SNX29: variants seen among roughly 807,000 people sequenced by gnomAD.
The protein encoded by SNX29 is sorting nexin-29.
In SNX29, 78 loss-of-function variants were observed where a neutral mutation model predicts 102.1. That is an observed-to-expected ratio of 0.76 (90% CI 0.64 to 0.92). The LOEUF (loss-of-function observed/expected upper bound fraction) is 0.92, where lower values mean the gene tolerates loss of function less well. SNX29 is among the 40% of genes least tolerant of loss of function. The pLI is 0.00. For missense variants in SNX29, 1,280 were observed against 1,061.7 expected, an observed-to-expected ratio of 1.21 and a Z score of -2.86; for synonymous variants, 580 against 414.5, an observed-to-expected ratio of 1.40 and a Z score of -4.85.
chr16:12,088,112 G>C (rs2052305337), intron 11 of SNX29: 1 of 456,694 alleles, frequency 2.2e-6, no homozygotes, highest in African/African-American at 2.0e-5. Flanking sequence ...TGCCGTGGGT[G>C]TCTGAGGCTG....
chr16:12,298,543 T>G (rs1348346514), intron 15 of SNX29, among the ~76,000 whole-genome samples: 1 of 152,234 alleles, frequency 6.6e-6, no homozygotes, highest in Non-Finnish European at 1.5e-5. Flanking sequence ...TACCTCCTAG[T>G]GTTACTGTGA....
intron 15 of SNX29, among the ~76,000 whole-genome samples, chr16:12,314,644 C>T (rs2080672809): frequency 3.3e-5 from 5 of 152,236 alleles, no homozygotes; most frequent in African/African-American, 9.6e-5. Flanking sequence ...GTTTCTTCAG[C>T]ATCTTCTTTC....
intron 15 of SNX29, among the ~76,000 whole-genome samples, chr16:12,354,398 G>A (rs964165262): frequency 7.9e-5 from 12 of 152,130 alleles, no homozygotes; most frequent in Non-Finnish European, 1.8e-4. Context: ...CTGCTCTTCT[G>A]GCTGTGGAAG....
intron 16 of SNX29, among the ~76,000 whole-genome samples, chr16:12,363,429 G>T (rs1332242672): frequency 2.0e-5 from 3 of 152,168 alleles, no homozygotes; most frequent in Admixed American, 1.3e-4. Context: ...GGGTGTTCGA[G>T]TGACTCAGGG....
intron 19 of SNX29, among the ~76,000 whole-genome samples, chr16:12,499,796 C>A (rs2089018652): frequency 6.6e-6 from 1 of 152,124 alleles, no homozygotes; most frequent in East Asian, 1.9e-4. Flanking sequence ...CCAACTCAAC[C>A]TCCTGAGTAC....
At chr16:12,465,634 C>T (rs1321351598) in intron 18 of SNX29, among the ~76,000 whole-genome samples, 1 of 152,052 alleles carries the variant, frequency 6.6e-6, no homozygotes, top group East Asian at 1.9e-4. Context: ...AAATCAGGGA[C>T]TGTGATACCT....
chr16:12,087,715 G>A (rs1401831410), intron 11 of SNX29: 1 of 384,960 alleles, frequency 2.6e-6, no homozygotes. Context: ...GGCATTACTG[G>A]TCCATTGTAC....
At chr16:12,033,636 C>T (rs1386847847) in intron 4 of SNX29, among the ~76,000 whole-genome samples, 5 of 145,590 alleles carry the variant, frequency 3.4e-5, no homozygotes, top group Non-Finnish European at 6.0e-5. Context: ...GAGATGGAGT[C>T]TGATCTGTTG....
In SNX29 at chr16:12,567,014, A is replaced by G. The variant is rs184253795; in HGVS notation, c.2319-1492A>G. The stretch of plus-strand genomic sequence containing the variant: ...GGAAAGGTGCAACGCAAAGTAGATC[A>G]TTGTGAAGAGATTCACTCCTGAGAT... On this transcript the variant is annotated intron_variant, in intron 20 of 20. Transcript: ENST00000566228. Among the ~76,000 whole-genome samples, 398 of 152,354 alleles carry G rather than the reference A, an allele frequency of 2.6e-3. 3 individuals are homozygous for G. Among genetic ancestry groups the G allele is most frequent in the Non-Finnish European group, 3.5e-3 (236 of 68,026 alleles).
Position 12,118,313 on chromosome 16 carries a change from C to CTT in SNX29, c.1403-8298_1403-8297dup, listed in dbSNP as rs869186902. Among the ~76,000 whole-genome samples, 804 of 86,096 alleles carry CTT rather than the reference C, an allele frequency of 9.3e-3. 78 individuals carry two copies. The highest frequency in any genetic ancestry group is 0.032 in the Middle Eastern group (3 of 94). The allele number at this position is 86,096 out of a possible 152,430, so 56.5% of individuals were successfully genotyped here. A position where few individuals can be genotyped will look rare whatever the true frequency, so the allele number is the denominator to read the frequency against. ...TGTAGATAGTAGATATACAGACCAC[C>CTT]TTTTTTTTTTTTTTTTTTTTTTTAT... is the stretch of plus-strand genomic sequence containing the variant. On this transcript the variant is annotated intron_variant, in intron 11 of 20. Coordinates refer to ENST00000566228, the MANE Select transcript of SNX29 (RefSeq NM_032167.5).
At chr16:12,470,736 T>C (rs1317323005) in intron 18 of SNX29, among the ~76,000 whole-genome samples, 1 of 152,244 alleles carries the variant, frequency 6.6e-6, no homozygotes, top group East Asian at 1.9e-4. Flanking sequence ...TTAGCCATGG[T>C]AATTACCTGC....
intron 19 of SNX29, among the ~76,000 whole-genome samples, chr16:12,498,736 A>T (rs188797995): frequency 2.0e-5 from 3 of 152,380 alleles, no homozygotes; most frequent in Non-Finnish European, 4.4e-5. Flanking sequence ...TCTCTAAGTC[A>T]GGTCATAGGA....
intron 16 of SNX29, 109 bp from the exon 17 acceptor site, chr16:12,398,337 A>G: frequency 8.3e-7 from 1 of 1,212,028 alleles, no homozygotes; most frequent in Non-Finnish European, 1.2e-6. Flanking sequence ...CTTCATTCTG[A>G]ATAGGAAATG....
intron 14 of SNX29, among the ~76,000 whole-genome samples, chr16:12,209,201 ACT>A (rs2077121115): frequency 6.6e-6 from 1 of 151,918 alleles, no homozygotes; most frequent in Non-Finnish European, 1.5e-5. Flanking sequence ...TAATGTCCTA[ACT>A]CTGTGACGGT....
At chr16:12,105,022 T>G (rs575791386) in intron 11 of SNX29, among the ~76,000 whole-genome samples, 1 of 152,292 alleles carries the variant, frequency 6.6e-6, no homozygotes, top group South Asian at 2.1e-4. Context: ...TTCTGCAGGG[T>G]CCCTGCTCAT....
chr16:12,571,850 C>A lies in SNX29; in HGVS notation c.*3221C>A. 9.5e-7 allele frequency: 1 copy of A among 1,057,942 alleles called. No homozygotes were observed. The highest frequency in any genetic ancestry group is 4.6e-5 in the South Asian group (1 of 21,904). 65.5% of individuals were successfully genotyped at this position (1,057,942 alleles called of 1,614,324 possible). A position where few individuals can be genotyped will look rare whatever the true frequency, so the allele number is the denominator to read the frequency against. On this transcript the variant is annotated 3_prime_UTR_variant, in exon 21 of 21. Coordinates refer to ENST00000566228, the MANE Select transcript of SNX29 (RefSeq NM_032167.5). ...CCCACTTAGCAGTATGCTCCAATCA[C>A]GTTGCTGGCAAGGCATTTTAGAGTT...
In SNX29 at chr16:12,569,032, C is replaced by G. The variant is rs560059059; in HGVS notation, c.*403C>G. ...TTCATGCAGAGCCAGCCTCTCCACT[C>G]TTTCCCACGTGGGGACTAGAATGAC... On this transcript the variant is annotated 3_prime_UTR_variant, in exon 21 of 21. Transcript: ENST00000566228. 9 of 240,808 alleles carry G rather than the reference C, an allele frequency of 3.7e-5. No homozygotes were observed. Among genetic ancestry groups the G allele is most frequent in the African/African-American group, 1.1e-4 (5 of 45,106 alleles). The allele number at this position is 240,808 out of a possible 1,614,324, so 14.9% of individuals were successfully genotyped here. A position where few individuals can be genotyped will look rare whatever the true frequency, so the allele number is the denominator to read the frequency against.
At chr16:12,135,520 C>CA in intron 13 of SNX29, 1 of 1,318,998 alleles carries the variant, frequency 7.6e-7, no homozygotes, top group Non-Finnish European at 9.9e-7. Context: ...AGGATGGTGC[C>CA]AGCCAGTTCT....
intron 20 of SNX29, among the ~76,000 whole-genome samples, chr16:12,553,405 T>A (rs909803653): frequency 6.6e-6 from 1 of 152,142 alleles, no homozygotes; most frequent in South Asian, 2.1e-4. Context: ...GTAGTTCTGG[T>A]GGTTGAAAAC....
Sources: allele counts gnomAD v4.1 joint callset (sites outside exome capture counted in the v4.1 genomes callset), GRCh38; gene constraint gnomAD v4.1.1; transcripts MANE v1.5; gene names NCBI Gene and HGNC (gene_info 2026-07-23, HGNC 2026-07-21).